The following PSMA2 variants were observed in gnomAD, a reference collection of about 807,000 sequenced individuals.
PSMA2 encodes proteasome 20S subunit alpha 2, also known as proteasome subunit alpha type-2.
PSMA2 carries 2 observed loss-of-function variants against 35.9 expected under a neutral mutation model. The ratio of observed to expected loss-of-function variants is 0.06; its 90% CI spans 0.02 to 0.18. PSMA2 has a LOEUF of 0.18. Ranked by LOEUF, PSMA2 falls within the 10% of genes least tolerant of loss-of-function variation. The pLI is 1.00. For synonymous variants in PSMA2, 97 were observed against 98.2 expected, an observed-to-expected ratio of 0.99 and a Z score of 0.07; for missense variants, 126 against 278.8, an observed-to-expected ratio of 0.45 and a Z score of 3.90.
intron 1 of PSMA2, among the ~76,000 whole-genome samples, chr7:42,930,815 T>C (rs1056622682): frequency 8.5e-5 from 13 of 152,068 alleles, no homozygotes; most frequent in Admixed American, 5.9e-4. Context: ...GCCAAGTCCC[T>C]GTCCCTAAAA....
At chr7:42,926,295 A>C (rs554789096) in intron 3 of PSMA2, among the ~76,000 whole-genome samples, 1 of 152,388 alleles carries the variant, frequency 6.6e-6, no homozygotes, top group East Asian at 1.9e-4. Context: ...TCCGCTGAAC[A>C]GAGAAAAGAG....
At chr7:42,931,054 T>C in intron 1 of PSMA2, 1 of 334,896 alleles carries the variant, frequency 3.0e-6, no homozygotes, top group South Asian at 2.1e-5. Flanking sequence ...ATTTTTGTTA[T>C]CAGAAAAAAA....
intron 6 of PSMA2, chr7:42,919,872 G>GGAGA (rs1786099036): frequency 1.3e-6 from 1 of 752,178 alleles, no homozygotes; most frequent in Non-Finnish European, 2.5e-6. Flanking sequence ...TGATCCTGAT[G>GGAGA]GAGAACTCTA....
chr7:42,930,359 A>T (rs575460330), intron 1 of PSMA2, among the ~76,000 whole-genome samples: 1 of 152,192 alleles, frequency 6.6e-6, no homozygotes, highest in Admixed American at 6.5e-5. Flanking sequence ...CTTGGGTTCA[A>T]GTGCTCCTCT....
In PSMA2 at chr7:42,926,647, G is replaced by A. The variant is rs1383205899; in HGVS notation, c.140C>T (p.Ala47Val). ...GIKAANGVVL[A>V]TEKKQKSILY... ...AATGGATTTCTGTTTTTTCTCAGTT[G>A]CTAATACCACACCATTTGCAGCTTA... The change falls in exon 3 of 8, where the codon GCA (alanine) becomes GTA (valine). Residue 47 changes from alanine to valine, a missense_variant. Physicochemically the swap from Ala to Val is moderately conservative, Grantham distance 64 (BLOSUM62 0). Transcript: ENST00000223321. 6.2e-7 allele frequency: 1 copy of A among 1,605,654 alleles called. No homozygotes were observed. The highest frequency in any genetic ancestry group is 1.1e-5 in the South Asian group (1 of 89,116).
At position 42,919,807 on chromosome 7, in the gene PSMA2, GAGA is replaced by G. The variant is rs1485600702; in HGVS notation, c.531-1975_531-1973del. ...ACTTATAAGTATGATGATAATAGTG[GAGA>G]AGAATTAGAATCCTACAAAGGACAC... On this transcript the variant is annotated intron_variant, in intron 6 of 7. Transcript: ENST00000223321. 8 of 694,634 alleles carry G rather than the reference GAGA, an allele frequency of 1.2e-5. No homozygotes were observed. In the East Asian group the frequency reaches 1.8e-4, roughly 16 times the overall value. The allele number at this position is 694,634 out of a possible 1,614,324, so 43.0% of individuals were successfully genotyped here.
chr7:42,917,457 A>T lies in PSMA2; in HGVS notation c.*117T>A. ...GATTTATAAGTGTCATTTTAAAAAC[A>T]GTCGATTTAAACCATGTAGAAATAA... On this transcript the variant is annotated 3_prime_UTR_variant, in exon 8 of 8. Transcript: ENST00000223321. 1.3e-6 allele frequency: 1 copy of T among 749,520 alleles called. No individual in the cohort carries two copies. Among genetic ancestry groups the T allele is most frequent in the Non-Finnish European group, 2.2e-6 (1 of 455,524 alleles). The allele number at this position is 749,520 out of a possible 1,614,324, so 46.4% of individuals were successfully genotyped here. A position where few individuals can be genotyped will look rare whatever the true frequency, so the allele number is the denominator to read the frequency against.
chr7:42,924,579 C>T (rs1786178914), intron 4 of PSMA2, 96 bp downstream of exon 4: 10 of 1,236,802 alleles, frequency 8.1e-6, no homozygotes, highest in South Asian at 1.5e-5. Context: ...TAAGCAAATA[C>T]AGAAATGGTA....
intron 6 of PSMA2, chr7:42,919,889 T>C (rs753198669): frequency 2.7e-6 from 2 of 753,848 alleles, no homozygotes; most frequent in Non-Finnish European, 5.0e-6. Flanking sequence ...TCTATGCCAG[T>C]GGTTCTGAAG....
intron 1 of PSMA2, among the ~76,000 whole-genome samples, chr7:42,928,150 G>A (rs971213506): frequency 6.6e-6 from 1 of 152,164 alleles, no homozygotes; most frequent in African/African-American, 2.4e-5. Context: ...TACAGGACTT[G>A]AATACGCCCT....
At chr7:42,929,311 C>T (rs192367169) in intron 1 of PSMA2, among the ~76,000 whole-genome samples, 5 of 152,308 alleles carry the variant, frequency 3.3e-5, no homozygotes, top group African/African-American at 4.8e-5. Flanking sequence ...TTAATAGTCA[C>T]TATTTCAATA....
In PSMA2 at chr7:42,922,225, G is replaced by A. The variant is rs1399536413; in HGVS notation, c.457-294C>T. 5.9e-5 allele frequency among the ~76,000 whole-genome samples: 9 copies of A among 152,212 alleles called. No individual in the cohort carries two copies. The East Asian group carries it at 1.7e-3, about 29-fold the overall frequency. On this transcript the variant is annotated intron_variant, in intron 5 of 7. Transcript: ENST00000223321. Reference sequence around the variant, plus strand: ...GAACTCATCAAACTGATGAGCTGGTGATGATGCAATTAAGTGTAAAATTAT... The same window carrying A: ...GAACTCATCAAACTGATGAGCTGGTAATGATGCAATTAAGTGTAAAATTAT...
At chr7:42,925,626 TAAG>T (rs1345721065) in intron 3 of PSMA2, among the ~76,000 whole-genome samples, 1 of 152,200 alleles carries the variant, frequency 6.6e-6, no homozygotes, top group Non-Finnish European at 1.5e-5. Flanking sequence ...CAAAAGAGAT[TAAG>T]AAGATATTAT....
chr7:42,923,486 TA>T, intron 4 of PSMA2, 80 bp from the exon 5 acceptor site: 1 of 1,053,806 alleles, frequency 9.5e-7, no homozygotes, highest in South Asian at 1.4e-5. Context: ...TACTCTCAAA[TA>T]AAGCAAATTA....
At chr7:42,925,280 T>C (rs995320856) in intron 3 of PSMA2, among the ~76,000 whole-genome samples, 1 of 152,194 alleles carries the variant, frequency 6.6e-6, no homozygotes, top group African/African-American at 2.4e-5. Context: ...TAACTAAAAA[T>C]GTAAAATTCG....
intron 1 of PSMA2, among the ~76,000 whole-genome samples, chr7:42,927,985 T>C (rs1335060444): frequency 6.6e-6 from 1 of 152,154 alleles, no homozygotes; most frequent in Non-Finnish European, 1.5e-5. Flanking sequence ...GAAGCACTAC[T>C]TTCTCTTTGG....
At chr7:42,925,678 T>A (rs760930387) in intron 3 of PSMA2, among the ~76,000 whole-genome samples, 1 of 152,230 alleles carries the variant, frequency 6.6e-6, no homozygotes, top group Non-Finnish European at 1.5e-5. Context: ...ATAGGATTTA[T>A]CTTTGCCAGC....
intron 3 of PSMA2, among the ~76,000 whole-genome samples, chr7:42,925,438 T>TA (rs1786196804): frequency 1.3e-5 from 2 of 152,182 alleles, no homozygotes; most frequent in South Asian, 2.1e-4. Flanking sequence ...AGGAGGGAGA[T>TA]AGAGTACATA....
rs1197668829 is a variant in PSMA2 at position 42,917,848 on chromosome 7, A to T, written c.531-13T>A. ...ATCTTCATTATATCTGAAGAATTTA[A>T]AAAAAATTACTTATATCATTGTTTA... On this transcript the variant is annotated splice_polypyrimidine_tract_variant and intron_variant, in intron 6 of 7. Transcript: ENST00000223321. 5.2e-6 allele frequency: 8 copies of T among 1,532,022 alleles called. No individual in the cohort carries two copies. The highest frequency in any genetic ancestry group is 6.2e-6 in the Non-Finnish European group (7 of 1,131,376). 94.9% of individuals were successfully genotyped at this position (1,532,022 alleles called of 1,614,324 possible).
Sources: allele counts gnomAD v4.1 joint callset (sites outside exome capture counted in the v4.1 genomes callset), GRCh38; gene constraint gnomAD v4.1.1; transcripts MANE v1.5; gene names NCBI Gene and HGNC (gene_info 2026-07-23, HGNC 2026-07-21).